OR3A2: variants seen among roughly 807,000 people sequenced by gnomAD.
OR3A2 encodes the protein olfactory receptor 3A2.
For synonymous variants in OR3A2, 126 were observed against 159.3 expected, an observed-to-expected ratio of 0.79 and a Z score of 1.57; for missense variants, 318 against 392.8, an observed-to-expected ratio of 0.81 and a Z score of 1.61.
rs986128781 is a variant in OR3A2 at position 3,373,016 on chromosome 17, T to C, written c.-179+10788A>G. Among the ~76,000 whole-genome samples the C allele has an allele frequency of 2.0e-4, 30 of 152,348 alleles. No homozygotes were observed. In the Middle Eastern group the frequency reaches 0.01, roughly 52 times the overall value. ...CATAGGTTGTGTCACTCTTATTCAG[T>C]TGAAATAATTTTTTTAATTTCCATC... On this transcript the variant is annotated intron_variant, in intron 2 of 4. Coordinates refer to the OR3A2 transcript ENST00000573491.
chr17:3,282,381 G>A (rs978200986), intron 1 of OR3A2, among the ~76,000 whole-genome samples: 3 of 151,584 alleles, frequency 2.0e-5, no homozygotes, highest in African/African-American at 7.3e-5. Flanking sequence ...ACTCCGGCCT[G>A]GGCGACTCCG....
At chr17:3,384,489 C>G (rs1418150907) in intron 1 of OR3A2, among the ~76,000 whole-genome samples, 1 of 152,166 alleles carries the variant, frequency 6.6e-6, no homozygotes, top group Non-Finnish European at 1.5e-5. Context: ...AACATCATGT[C>G]TGTTTGGTGA....
rs12019073 is a variant in OR3A2 at position 3,368,275 on chromosome 17, T to G, written c.-179+15529A>C. Among the ~76,000 whole-genome samples, 1,350 of 152,334 alleles carry G rather than the reference T, an allele frequency of 8.9e-3. 20 individuals carry two copies. The highest frequency in any genetic ancestry group is 0.031 in the African/African-American group (1,288 of 41,574). ...CTATTTATCTTTGTTTTTATTGCATTTGCTTTTGGGTTCTTGATCATAAAT... is the reference window on the plus strand; with the variant it reads ...CTATTTATCTTTGTTTTTATTGCATGTGCTTTTGGGTTCTTGATCATAAAT... On this transcript the variant is annotated intron_variant, in intron 2 of 4. Coordinates refer to the OR3A2 transcript ENST00000573491.
chr17:3,348,648 G>A (rs2049391035), intron 2 of OR3A2, among the ~76,000 whole-genome samples: 1 of 152,006 alleles, frequency 6.6e-6, no homozygotes, highest in South Asian at 2.1e-4. Context: ...TAGCAAGGCA[G>A]GCCAACATTC....
chr17:3,349,194 A>G (rs2049397409), intron 2 of OR3A2, among the ~76,000 whole-genome samples: 1 of 152,150 alleles, frequency 6.6e-6, no homozygotes, highest in Non-Finnish European at 1.5e-5. Flanking sequence ...TTAACTTTAA[A>G]TGTAAATGGA....
At chr17:3,342,992 G>A (rs115553494) in intron 2 of OR3A2, among the ~76,000 whole-genome samples, 1,769 of 152,278 alleles carry the variant, frequency 0.012, 35 homozygotes, top group African/African-American at 0.04. Flanking sequence ...CAGGCTTGCC[G>A]CCTTGCAGTT....
intron 3 of OR3A2, among the ~76,000 whole-genome samples, chr17:3,303,872 A>G (rs1325152221): frequency 6.7e-6 from 1 of 150,020 alleles, no homozygotes; most frequent in Non-Finnish European, 1.5e-5. Flanking sequence ...AGCCTGGGCG[A>G]TAGAGTGAGA....
intron 3 of OR3A2, among the ~76,000 whole-genome samples, chr17:3,312,564 C>G (rs549813435): frequency 6.6e-6 from 1 of 152,248 alleles, no homozygotes; most frequent in South Asian, 2.1e-4. Flanking sequence ...CGCCCCCTGA[C>G]CAGAAACATA....
chr17:3,291,628 G>C, intron 3 of OR3A2: 1 of 1,579,164 alleles, frequency 6.3e-7, no homozygotes, highest in Non-Finnish European at 8.6e-7. Context: ...GGTCAATTGA[G>C]ACCTCCTCAA....
chr17:3,376,158 T>C (rs1008307788), intron 2 of OR3A2, among the ~76,000 whole-genome samples: 3 of 152,352 alleles, frequency 2.0e-5, no homozygotes, highest in African/African-American at 4.8e-5. Context: ...GAATGAGATA[T>C]TGTTTTCTCC....
rs560225966 is a variant in OR3A2 at position 3,299,473 on chromosome 17, C to G, written c.-84-20320G>C. On this transcript the variant is annotated intron_variant, in intron 3 of 4. Coordinates refer to the OR3A2 transcript ENST00000573491. Reference sequence around the variant, plus strand: ...AAGAGCTGAGTTCAGTTAGGAGGGACCAAGGGGTCCTGAGGGACGTCTCTT... The same window carrying G: ...AAGAGCTGAGTTCAGTTAGGAGGGAGCAAGGGGTCCTGAGGGACGTCTCTT... 2.8e-4 allele frequency among the ~76,000 whole-genome samples: 43 copies of G among 152,230 alleles called. No homozygotes were observed. In the Middle Eastern group the frequency reaches 0.014, roughly 48 times the overall value.
chr17:3,318,466 C>T (rs1458818262), intron 3 of OR3A2, among the ~76,000 whole-genome samples: 1 of 152,170 alleles, frequency 6.6e-6, no homozygotes, highest in Non-Finnish European at 1.5e-5. Flanking sequence ...GTCAGCCTCC[C>T]TGTAAACGCT....
At chr17:3,355,311 C>G (rs1048468419) in intron 2 of OR3A2, among the ~76,000 whole-genome samples, 9 of 151,282 alleles carry the variant, frequency 5.9e-5, no homozygotes, top group African/African-American at 2.2e-4. Context: ...TCTATTAGGT[C>G]TATTTGTTCC....
chr17:3,284,040 C>T (rs1452829051), intron 1 of OR3A2, among the ~76,000 whole-genome samples: 2 of 148,052 alleles, frequency 1.4e-5, no homozygotes, highest in East Asian at 2.0e-4. Context: ...CCATCCCTCA[C>T]GCGCCCAACA....
rs1429524778 is a variant in OR3A2 at position 3,371,827 on chromosome 17, A to ACC, written c.-179+11975_-179+11976dup. ...GGGCGGCTGGCCGGGCGGGGGGCTG[A>ACC]CCTCCCCACCACCTCCCGCCCGGAC... On this transcript the variant is annotated intron_variant, in intron 2 of 4. Coordinates refer to the OR3A2 transcript ENST00000573491. Among the ~76,000 whole-genome samples the ACC allele has an allele frequency of 2.0e-3, 165 of 84,394 alleles. 4 individuals are homozygous for ACC. Among genetic ancestry groups the ACC allele is most frequent in the African/African-American group, 6.5e-3 (134 of 20,586 alleles). The allele number at this position is 84,394 out of a possible 152,430, so 55.4% of individuals were successfully genotyped here.
chr17:3,305,903 G>A (rs1377389450), intron 3 of OR3A2, among the ~76,000 whole-genome samples: 4 of 152,226 alleles, frequency 2.6e-5, no homozygotes, highest in Non-Finnish European at 5.9e-5. Context: ...CTCCATGTAG[G>A]GAGGGAGCAT....
At chr17:3,315,619 T>C (rs1487968294) in intron 3 of OR3A2, among the ~76,000 whole-genome samples, 1 of 152,192 alleles carries the variant, frequency 6.6e-6, no homozygotes, top group Non-Finnish European at 1.5e-5. Flanking sequence ...TTGTGAATAT[T>C]TTCTCCCAAT....
At chr17:3,291,889 G>T in intron 3 of OR3A2, 1 of 1,614,238 alleles carries the variant, frequency 6.2e-7, no homozygotes. Flanking sequence ...TCTACAGAGC[G>T]AATTCGCAGG....
chr17:3,366,002 AGAAT>A (rs895371759), intron 2 of OR3A2, among the ~76,000 whole-genome samples: 6 of 152,238 alleles, frequency 3.9e-5, no homozygotes, highest in Non-Finnish European at 4.4e-5. Context: ...CACCACTGCT[AGAAT>A]GAATGATGTC....
Sources: gnomAD v4.1 joint callset for allele counts (sites outside exome capture counted in the v4.1 genomes callset) on GRCh38, gnomAD v4.1.1 for gene constraint, MANE v1.5 for transcripts, NCBI Gene and HGNC (gene_info 2026-07-23, HGNC 2026-07-21) for gene names.